DRC11: variants seen among roughly 807,000 people sequenced by gnomAD.
The protein encoded by DRC11 is dynein regulatory complex subunit 11.
chr2:236,407,096 T>C, the DRC11 span, among the ~76,000 whole-genome samples: 2 of 152,204 alleles, frequency 1.3e-5, no homozygotes, highest in African/African-American at 4.8e-5. Flanking sequence ...TACTTTCTGC[T>C]CATGCATTTG....
At chr2:236,389,731 T>C in the DRC11 span, among the ~76,000 whole-genome samples, 2 of 152,234 alleles carry the variant, frequency 1.3e-5, no homozygotes, top group African/African-American at 2.4e-5. Context: ...TCCCTGCGAA[T>C]TTTTTTCTTT....
chr2:236,459,044 C>CA, the DRC11 span, among the ~76,000 whole-genome samples: 1 of 150,968 alleles, frequency 6.6e-6, no homozygotes, highest in East Asian at 1.9e-4. Context: ...GACTGAGGCT[C>CA]AAAAAACAAA....
chr2:236,420,811 A>G, the DRC11 span, among the ~76,000 whole-genome samples: 12 of 152,268 alleles, frequency 7.9e-5, no homozygotes, highest in Non-Finnish European at 1.5e-4. The surrounding 1 kb of genome is among the most constrained non-coding windows in gnomAD (Gnocchi z 4.8). Context: ...TCCTGCCTCA[A>G]AAAAACAAAA....
the DRC11 span, among the ~76,000 whole-genome samples, chr2:236,381,518 T>C: frequency 1.3e-5 from 2 of 152,160 alleles, no homozygotes; most frequent in Admixed American, 1.3e-4. This position sits in a 1 kb window ranked among gnomAD's most constrained non-coding sequence, Gnocchi z 5.8. Flanking sequence ...CTGTTGTTTA[T>C]AAATTACTCA....
At chr2:236,357,855 TA>T in the DRC11 span, among the ~76,000 whole-genome samples, 1 of 125,018 alleles carries the variant, frequency 8.0e-6, no homozygotes, top group Non-Finnish European at 1.6e-5. Context: ...AATATATAAA[TA>T]TATACTATAT....
At chr2:236,381,829 T>C in the DRC11 span, among the ~76,000 whole-genome samples, 2 of 152,220 alleles carry the variant, frequency 1.3e-5, no homozygotes, top group African/African-American at 4.8e-5. The surrounding 1 kb of genome is among the most constrained non-coding windows in gnomAD (Gnocchi z 5.8). Context: ...GAGTTCTTTA[T>C]ATGTTTATTG....
chr2:236,401,655 G>A, the DRC11 span, among the ~76,000 whole-genome samples: 31 of 152,152 alleles, frequency 2.0e-4, no homozygotes, highest in South Asian at 6.2e-3. This position sits in a 1 kb window ranked among gnomAD's most constrained non-coding sequence, Gnocchi z 4.6. Context: ...GGCTGAGAGC[G>A]TGAAGTCAGA....
the DRC11 span, chr2:236,399,281 C>T: frequency 0.026 from 20,139 of 780,078 alleles, 1,373 homozygotes; most frequent in East Asian, 0.19. The surrounding 1 kb of genome is among the most constrained non-coding windows in gnomAD (Gnocchi z 7.0). Flanking sequence ...CAAGCCACCT[C>T]GCCTGGCCAG....
chr2:236,315,240 T>A, the DRC11 span, among the ~76,000 whole-genome samples: 2 of 152,184 alleles, frequency 1.3e-5, no homozygotes, highest in African/African-American at 4.8e-5. This position sits in a 1 kb window ranked among gnomAD's most constrained non-coding sequence, Gnocchi z 5.1. Context: ...TTTCAAGAAA[T>A]GGTGCTGGAG....
chr2:236,375,161 G>T, the DRC11 span, among the ~76,000 whole-genome samples: 2 of 152,174 alleles, frequency 1.3e-5, no homozygotes, highest in Admixed American at 1.3e-4. The surrounding 1 kb of genome is among the most constrained non-coding windows in gnomAD (Gnocchi z 4.2). Context: ...TTCTACATGA[G>T]GTTTGGTGGG....
chr2:236,372,371 A>AT, the DRC11 span, among the ~76,000 whole-genome samples: 2 of 152,094 alleles, frequency 1.3e-5, no homozygotes, highest in Non-Finnish European at 2.9e-5. This position sits in a 1 kb window ranked among gnomAD's most constrained non-coding sequence, Gnocchi z 4.5. Context: ...GATGAATCTG[A>AT]TTTTTTCTGA....
chr2:236,419,256 T>G, the DRC11 span: 1 of 1,537,972 alleles, frequency 6.5e-7, no homozygotes, highest in Non-Finnish European at 8.7e-7. The surrounding 1 kb of genome is among the most constrained non-coding windows in gnomAD (Gnocchi z 4.8). Flanking sequence ...TGGTTTGCTA[T>G]GATATCCTCA....
chr2:236,507,129 G>C, the DRC11 span: 1 of 866,116 alleles, frequency 1.2e-6, no homozygotes, highest in Middle Eastern at 2.3e-4. Context: ...AAAAAGTGGG[G>C]GAGAGGAGGG....
chr2:236,440,276 T>C, the DRC11 span, among the ~76,000 whole-genome samples: 42 of 152,184 alleles, frequency 2.8e-4, no homozygotes, highest in African/African-American at 9.4e-4. Flanking sequence ...ATGATGTTAA[T>C]AGCGCAGGGC....
At chr2:236,412,186 C>T in the DRC11 span, among the ~76,000 whole-genome samples, 10 of 152,166 alleles carry the variant, frequency 6.6e-5, no homozygotes, top group African/African-American at 2.4e-4. Context: ...TGGGCCACTG[C>T]GCCCAGCCAA....
chr2:236,427,138 A>T, the DRC11 span, among the ~76,000 whole-genome samples: 1 of 152,178 alleles, frequency 6.6e-6, no homozygotes, highest in Non-Finnish European at 1.5e-5. The surrounding 1 kb of genome is among the most constrained non-coding windows in gnomAD (Gnocchi z 5.9). Flanking sequence ...CTGTTTGGTC[A>T]TGGTGAATGA....
At chr2:236,454,146 C>A in the DRC11 span, among the ~76,000 whole-genome samples, 1 of 152,226 alleles carries the variant, frequency 6.6e-6, no homozygotes, top group African/African-American at 2.4e-5. This position sits in a 1 kb window ranked among gnomAD's most constrained non-coding sequence, Gnocchi z 5.3. Context: ...CCCAAGGGTG[C>A]AACCTGGGAC....
the DRC11 span, among the ~76,000 whole-genome samples, chr2:236,335,764 G>A: frequency 1.3e-5 from 2 of 152,026 alleles, no homozygotes; most frequent in Non-Finnish European, 2.9e-5. The surrounding 1 kb of genome is among the most constrained non-coding windows in gnomAD (Gnocchi z 5.6). Context: ...TACAAAAAAG[G>A]AAGAAAAAAA....
At chr2:236,385,367 G>C in the DRC11 span, among the ~76,000 whole-genome samples, 31 of 145,466 alleles carry the variant, frequency 2.1e-4, no homozygotes, top group Middle Eastern at 3.7e-3. Flanking sequence ...TCCTTGAAGA[G>C]GTCCTTCACA....
Sources: gnomAD v4.1 joint callset for allele counts (sites outside exome capture counted in the v4.1 genomes callset) on GRCh38, gnomAD v4.1.1 for gene constraint, Gnocchi (gnomAD v3.1) non-coding constraint, MANE v1.5 for transcripts, NCBI Gene and HGNC (gene_info 2026-07-23, HGNC 2026-07-21) for gene names.